Variants in OR1J2 observed in about 807,000 individuals in gnomAD.
The protein encoded by OR1J2 is olfactory receptor family 1 subfamily J member 2.
For synonymous variants in OR1J2, 142 were observed against 99.7 expected, an observed-to-expected ratio of 1.42 and a Z score of -2.52; for missense variants, 304 against 246.1, an observed-to-expected ratio of 1.24 and a Z score of -1.57.
At chr9:122,467,893 C>T in the OR1J2 span, among the ~76,000 whole-genome samples, 1 of 152,204 alleles carries the variant, frequency 6.6e-6, no homozygotes, top group African/African-American at 2.4e-5. Flanking sequence ...AGATTCTTCA[C>T]CATCACTGAT....
At chr9:122,518,119 A>G in the OR1J2 span, among the ~76,000 whole-genome samples, 58 of 152,342 alleles carry the variant, frequency 3.8e-4, no homozygotes, top group South Asian at 1.7e-3. Flanking sequence ...ATGTCCATCA[A>G]TGATAGACTG....
At chr9:122,527,073 G>A in the OR1J2 span, 3 of 1,614,210 alleles carry the variant, frequency 1.9e-6, no homozygotes, top group Non-Finnish European at 8.5e-7. Context: ...GGTAACTGTG[G>A]AGGACGTTAA....
the OR1J2 span, among the ~76,000 whole-genome samples, chr9:122,580,164 G>A: frequency 1.3e-5 from 2 of 151,728 alleles, no homozygotes; most frequent in Non-Finnish European, 1.5e-5. Flanking sequence ...ATGAAAATCT[G>A]CTGCAGAAAA....
chr9:122,549,573 C>T, the OR1J2 span, among the ~76,000 whole-genome samples: 1,747 of 152,104 alleles, frequency 0.011, 18 homozygotes, highest in African/African-American at 0.039. Context: ...TTCATTTTTC[C>T]GCATATAGCA....
the OR1J2 span, among the ~76,000 whole-genome samples, chr9:122,564,189 T>TG: frequency 2.6e-5 from 4 of 152,286 alleles, no homozygotes; most frequent in Non-Finnish European, 5.9e-5. Flanking sequence ...TAGGCAATTA[T>TG]GGGGGTCATG....
upstream of OR1J2, among the ~76,000 whole-genome samples, chr9:122,506,621 T>C (rs954236930): frequency 6.6e-6 from 1 of 152,054 alleles, no homozygotes. Context: ...GGAGATGGAA[T>C]GGGTATTTTT....
the OR1J2 span, chr9:122,471,428 G>A: frequency 6.6e-6 from 1 of 152,198 alleles, no homozygotes; most frequent in African/African-American, 2.4e-5. Flanking sequence ...GTCCAATTAA[G>A]CCTCTTTTTC....
At chr9:122,473,569 G>T in the OR1J2 span, among the ~76,000 whole-genome samples, 1 of 152,106 alleles carries the variant, frequency 6.6e-6, no homozygotes, top group Non-Finnish European at 1.5e-5. Context: ...TACTTTTGTG[G>T]GTGGGATATG....
chr9:122,454,980 T>A, the OR1J2 span, among the ~76,000 whole-genome samples: 22 of 152,376 alleles, frequency 1.4e-4, no homozygotes, highest in Non-Finnish European at 2.9e-4. Flanking sequence ...AGGCAAGCCT[T>A]TTATGTCCGG....
At chr9:122,498,060 GTT>G in the OR1J2 span, among the ~76,000 whole-genome samples, 39 of 146,546 alleles carry the variant, frequency 2.7e-4, no homozygotes, top group Middle Eastern at 3.6e-3. Flanking sequence ...CATGATTTGG[GTT>G]TTTTTTTTTT....
chr9:122,510,778 A>G (rs1360736314), upstream of OR1J2: 11 of 1,278,012 alleles, frequency 8.6e-6, no homozygotes, highest in East Asian at 9.3e-5. Flanking sequence ...AGCATTCTTC[A>G]TCTCCATCAG....
At chr9:122,518,942 T>G in the OR1J2 span, among the ~76,000 whole-genome samples, 1 of 152,252 alleles carries the variant, frequency 6.6e-6, no homozygotes, top group Non-Finnish European at 1.5e-5. Context: ...CCCTCTACTC[T>G]CTTGGCGAAT....
At chr9:122,454,139 G>C in the OR1J2 span, among the ~76,000 whole-genome samples, 2 of 152,160 alleles carry the variant, frequency 1.3e-5, no homozygotes, top group Admixed American at 1.3e-4. Flanking sequence ...AAATCTTGGG[G>C]TATTTCCTTG....
At chr9:122,464,294 G>T in the OR1J2 span, among the ~76,000 whole-genome samples, 2 of 152,220 alleles carry the variant, frequency 1.3e-5, no homozygotes, top group Admixed American at 6.5e-5. Context: ...TCACTCCCAA[G>T]GTGCTCCCCC....
chr9:122,504,767 C>G, the OR1J2 span, among the ~76,000 whole-genome samples: 1 of 152,028 alleles, frequency 6.6e-6, no homozygotes, highest in African/African-American at 2.4e-5. Flanking sequence ...TACAGTCTAC[C>G]CTGTCTATAC....
the OR1J2 span, among the ~76,000 whole-genome samples, chr9:122,501,688 G>A: frequency 1.3e-5 from 2 of 152,086 alleles, no homozygotes; most frequent in African/African-American, 4.8e-5. Context: ...CTGAGTTACA[G>A]AGAATGAAAG....
the OR1J2 span, chr9:122,553,615 A>T: frequency 6.2e-7 from 1 of 1,614,044 alleles, no homozygotes; most frequent in East Asian, 2.2e-5. Flanking sequence ...CCACTCCATT[A>T]CAGCACATCT....
the OR1J2 span, chr9:122,553,975 A>G: frequency 3.6e-5 from 58 of 1,613,168 alleles, no homozygotes; most frequent in African/African-American, 1.3e-4. Context: ...CTGCTCTTCT[A>G]TGGGTCTCTT....
At chr9:122,577,411 G>A in the OR1J2 span, among the ~76,000 whole-genome samples, 5 of 152,080 alleles carry the variant, frequency 3.3e-5, no homozygotes, top group Non-Finnish European at 5.9e-5. Context: ...TACAAAAATC[G>A]TTGGGATAGT....
Sources: gnomAD v4.1 joint callset for allele counts (sites outside exome capture counted in the v4.1 genomes callset) on GRCh38, gnomAD v4.1.1 for gene constraint, MANE v1.5 for transcripts, NCBI Gene and HGNC (gene_info 2026-07-23, HGNC 2026-07-21) for gene names.